Variants in FTO observed in about 807,000 individuals in gnomAD.
FTO encodes the protein FTO alpha-ketoglutarate dependent dioxygenase.
Under a neutral mutation model 63.9 loss-of-function variants are expected in FTO, and 47 were observed. The ratio of observed to expected loss-of-function variants is 0.74; its 90% confidence interval spans 0.58 to 0.94. FTO has a LOEUF of 0.94. FTO is among the 40% of genes least tolerant of loss of function. FTO has a pLI of 0.00. For synonymous variants in FTO, 207 were observed against 224.4 expected (o/e 0.92, Z 0.69); for missense variants, 562 against 618.1 (o/e 0.91, Z 0.96).
chr16:53,980,934 A>G (rs1048438035), intron 8 of FTO, among the ~76,000 whole-genome samples: 6 of 152,214 alleles, frequency 3.9e-5, no homozygotes, highest in South Asian at 2.1e-4. Flanking sequence ...GATTCATATT[A>G]TACACAAGTA....
intron 8 of FTO, among the ~76,000 whole-genome samples, chr16:54,053,848 TAAAC>T (rs1166684379): frequency 3.3e-5 from 5 of 152,160 alleles, no homozygotes; most frequent in African/African-American, 4.8e-5. Context: ...AAATGCCAAA[TAAAC>T]AAGGGCATTT....
At chr16:53,777,289 A>G (rs893158420) in intron 1 of FTO, among the ~76,000 whole-genome samples, 5 of 152,000 alleles carry the variant, frequency 3.3e-5, no homozygotes, top group Admixed American at 2.6e-4. Flanking sequence ...TAGATTCCAT[A>G]TTTTAGGGAG....
At chr16:53,956,059 AT>A (rs1017504289) in intron 8 of FTO, among the ~76,000 whole-genome samples, 2 of 152,236 alleles carry the variant, frequency 1.3e-5, no homozygotes, top group Middle Eastern at 6.8e-3. Context: ...TGTATCTTTA[AT>A]TTTTTTCCTT....
intron 3 of FTO, among the ~76,000 whole-genome samples, chr16:53,830,412 G>C (rs1173870208): frequency 1.3e-5 from 2 of 152,168 alleles, no homozygotes; most frequent in African/African-American, 4.8e-5. Context: ...CCAGCACCTT[G>C]TTCTTTGACT....
At chr16:54,038,279 T>C (rs531301243) in intron 8 of FTO, among the ~76,000 whole-genome samples, 1 of 152,256 alleles carries the variant, frequency 6.6e-6, no homozygotes, top group South Asian at 2.1e-4. Context: ...ACCTGACCCT[T>C]GTGGGCTTCA....
chr16:53,763,843 A>G (rs999129683), intron 1 of FTO, among the ~76,000 whole-genome samples: 1 of 152,218 alleles, frequency 6.6e-6, no homozygotes, highest in African/African-American at 2.4e-5. Flanking sequence ...ACATAGATCT[A>G]TTTGTGAAAG....
chr16:53,974,704 T>G (rs1273352265), intron 8 of FTO, among the ~76,000 whole-genome samples: 1 of 152,222 alleles, frequency 6.6e-6, no homozygotes, highest in Non-Finnish European at 1.5e-5. Context: ...GTCACTGACA[T>G]TTTGTGAACA....
At chr16:54,079,058 CAATT>C (rs1319324506) in intron 8 of FTO, among the ~76,000 whole-genome samples, 1 of 151,868 alleles carries the variant, frequency 6.6e-6, no homozygotes, top group Admixed American at 6.6e-5. Flanking sequence ...TGTTTTTTAA[CAATT>C]AATTTGATTG....
intron 8 of FTO, among the ~76,000 whole-genome samples, chr16:54,053,777 A>C (rs1378874108): frequency 1.3e-5 from 2 of 152,166 alleles, no homozygotes; most frequent in Non-Finnish European, 2.9e-5. Context: ...CCTGCCTTCG[A>C]GAAACAGTCT....
intron 8 of FTO, among the ~76,000 whole-genome samples, chr16:54,095,144 A>G (rs759577788): frequency 6.6e-6 from 1 of 152,162 alleles, no homozygotes; most frequent in African/African-American, 2.4e-5. Context: ...AGCTCAAGCA[A>G]TCCTCCCACT....
At chr16:53,754,745 A>G (rs1238274553) in intron 1 of FTO, among the ~76,000 whole-genome samples, 1 of 152,252 alleles carries the variant, frequency 6.6e-6, no homozygotes, top group Non-Finnish European at 1.5e-5. Context: ...ATACCTCAAC[A>G]ACGAAGTACT....
chr16:53,830,126 A>G (rs1438776454), intron 3 of FTO, among the ~76,000 whole-genome samples: 2 of 152,272 alleles, frequency 1.3e-5, no homozygotes, highest in Non-Finnish European at 2.9e-5. Flanking sequence ...GTTTATTTTC[A>G]TGAGTAGAGG....
chr16:54,077,839 T>C (rs1302304122), intron 8 of FTO, among the ~76,000 whole-genome samples: 1 of 151,902 alleles, frequency 6.6e-6, no homozygotes, highest in African/African-American at 2.4e-5. Context: ...GATTAGTGGA[T>C]TTGGGAAGAG....
intron 4 of FTO, among the ~76,000 whole-genome samples, chr16:53,852,336 C>CA (rs1439778815): frequency 6.6e-6 from 1 of 152,094 alleles, no homozygotes; most frequent in Non-Finnish European, 1.5e-5. Flanking sequence ...TACTACCTCT[C>CA]ACTCTTGCCA....
At chr16:53,775,685 A>G (rs532178057) in intron 1 of FTO, among the ~76,000 whole-genome samples, 4 of 152,160 alleles carry the variant, frequency 2.6e-5, no homozygotes, top group African/African-American at 9.6e-5. Context: ...CCCCTGCTGG[A>G]ACTGAATTTT....
intron 3 of FTO, among the ~76,000 whole-genome samples, chr16:53,837,906 T>A (rs1598789147): frequency 6.6e-6 from 1 of 152,164 alleles, no homozygotes; most frequent in East Asian, 1.9e-4. Flanking sequence ...CTAGATTCTT[T>A]CCTATGGTTC....
At chr16:53,793,843 C>A (rs976438594) in intron 1 of FTO, among the ~76,000 whole-genome samples, 1 of 152,144 alleles carries the variant, frequency 6.6e-6, no homozygotes, top group Non-Finnish European at 1.5e-5. Flanking sequence ...GATTCACGGT[C>A]TTTATATGCA....
rs1491149637 is a variant in FTO, at chr16:53,901,843, TCA to T, written c.1239+12893_1239+12894del. 3.9e-5 allele frequency among the ~76,000 whole-genome samples: 6 copies of T among 152,328 alleles called. No individual in the cohort carries two copies. The East Asian group carries it at 7.7e-4, about 20-fold the overall frequency. On this transcript the variant is annotated intron_variant, in intron 7 of 8. Transcript: ENST00000471389. ...TTAATTGTTGAGTGAGTAATAACTC[TCA>T]GTTTGTTCTTCAAACGTGGGCTTCT...
chr16:53,798,748 C>T (rs2078144952), intron 1 of FTO, among the ~76,000 whole-genome samples: 1 of 152,162 alleles, frequency 6.6e-6, no homozygotes, highest in Non-Finnish European at 1.5e-5. Flanking sequence ...ATACTTTTCA[C>T]TTCTTTTTCT....
Sources: gnomAD v4.1 joint callset for allele counts (sites outside exome capture counted in the v4.1 genomes callset) on GRCh38, gnomAD v4.1.1 for gene constraint, MANE v1.5 for transcripts, NCBI Gene and HGNC (gene_info 2026-07-23, HGNC 2026-07-21) for gene names.